TTC7A: variants seen among roughly 807,000 people sequenced by gnomAD.
The protein encoded by TTC7A is tetratricopeptide repeat domain 7A.
TTC7A carries 110 observed loss-of-function variants against 103.7 expected under a neutral mutation model. The observed-to-expected ratio is 1.06, with a 90% CI of 0.91 to 1.24. The LOEUF (loss-of-function observed/expected upper bound fraction) is 1.24, where lower values mean the gene tolerates loss of function less well. TTC7A is among the 50% of genes most tolerant of loss of function. The pLI is 0.00. For missense variants in TTC7A, 1,340 were observed against 1,116.3 expected (o/e 1.20, Z -2.86); for synonymous variants, 521 against 467.9 (o/e 1.11, Z -1.47).
At chr2:46,985,583 A>G (rs1674933803) in intron 5 of TTC7A, among the ~76,000 whole-genome samples, 1 of 152,238 alleles carries the variant, frequency 6.6e-6, no homozygotes, top group South Asian at 2.1e-4. Flanking sequence ...TGCAGGAACT[A>G]ATACAATCCC....
At chr2:46,919,474 G>A (rs1276395144) in intron 2 of TTC7A, among the ~76,000 whole-genome samples, 2 of 152,184 alleles carry the variant, frequency 1.3e-5, no homozygotes, top group African/African-American at 4.8e-5. Flanking sequence ...CAGAGGTTGA[G>A]GTGAGCTGAG....
intron 15 of TTC7A, among the ~76,000 whole-genome samples, chr2:47,037,680 G>T (rs995199006): frequency 7.2e-5 from 11 of 152,212 alleles, no homozygotes; most frequent in African/African-American, 2.2e-4. Context: ...GGGCACTGCT[G>T]TGGGCACCTT....
chr2:47,060,360 A>G (rs957853768), intron 18 of TTC7A, among the ~76,000 whole-genome samples: 1 of 151,318 alleles, frequency 6.6e-6, no homozygotes, highest in African/African-American at 2.4e-5. Context: ...ACAGAGGGAA[A>G]CTCTTTTTCT....
intron 15 of TTC7A, among the ~76,000 whole-genome samples, chr2:47,039,200 C>A (rs1489628069): frequency 6.6e-6 from 1 of 152,146 alleles, no homozygotes; most frequent in Admixed American, 6.5e-5. Flanking sequence ...TGCTGAAGGC[C>A]CTGTCTCAAC....
intron 8 of TTC7A, among the ~76,000 whole-genome samples, chr2:47,005,570 T>C (rs2104451033): frequency 6.6e-6 from 1 of 152,268 alleles, no homozygotes; most frequent in Non-Finnish European, 1.5e-5. Flanking sequence ...TCCTGGACAA[T>C]AATAGTTATA....
At chr2:47,005,418 C>T (rs1336223239) in intron 8 of TTC7A, among the ~76,000 whole-genome samples, 1 of 152,108 alleles carries the variant, frequency 6.6e-6, no homozygotes, top group African/African-American at 2.4e-5. Flanking sequence ...TGCAAACACA[C>T]CAGGGACTGT....
intron 3 of TTC7A, among the ~76,000 whole-genome samples, chr2:46,968,522 G>A (rs1318151516): frequency 6.6e-6 from 1 of 152,138 alleles, no homozygotes; most frequent in African/African-American, 2.4e-5. Context: ...TATCAACCAG[G>A]GGACAAATAC....
intron 5 of TTC7A, among the ~76,000 whole-genome samples, chr2:46,979,962 A>G (rs953235858): frequency 6.6e-6 from 1 of 152,218 alleles, no homozygotes; most frequent in African/African-American, 2.4e-5. Context: ...TTCCATGGCC[A>G]TGGGTCAGGC....
chr2:46,953,656 A>G (rs1393726029), intron 2 of TTC7A, among the ~76,000 whole-genome samples: 1 of 151,550 alleles, frequency 6.6e-6, no homozygotes, highest in Non-Finnish European at 1.5e-5. Context: ...TCTCTCTAAG[A>G]CCCCGTCCAG....
intron 14 of TTC7A, among the ~76,000 whole-genome samples, chr2:47,026,355 A>C (rs968089883): frequency 6.6e-6 from 1 of 152,188 alleles, no homozygotes; most frequent in Non-Finnish European, 1.5e-5. Context: ...CACTGATCTT[A>C]GTGTCCTCCT....
At chr2:47,024,404 G>T in intron 14 of TTC7A, 45 bp downstream of exon 14, 1 of 1,545,510 alleles carries the variant, frequency 6.5e-7, no homozygotes, top group Non-Finnish European at 8.8e-7. Flanking sequence ...GGGGGCTGCT[G>T]ATCTTCTCCT....
At chr2:46,946,574 C>A (rs78541527) in intron 1 of TTC7A, among the ~76,000 whole-genome samples, 2,230 of 152,212 alleles carry the variant, frequency 0.015, 55 homozygotes, top group African/African-American at 0.05. Context: ...TAGGCGTGTA[C>A]CTCTAACATC....
chr2:46,975,611 G>C (rs1435692642), intron 4 of TTC7A, among the ~76,000 whole-genome samples: 3 of 152,116 alleles, frequency 2.0e-5, no homozygotes, highest in Non-Finnish European at 4.4e-5. Flanking sequence ...ACTGTCTGCA[G>C]GGTATCAAGT....
intron 5 of TTC7A, among the ~76,000 whole-genome samples, chr2:46,981,369 G>C (rs570815470): frequency 5.9e-5 from 9 of 152,078 alleles, no homozygotes; most frequent in Admixed American, 6.5e-5. Context: ...CTCGATGTGG[G>C]GGTCGAGGAG....
At chr2:46,975,287 C>T (rs921724172) in intron 4 of TTC7A, among the ~76,000 whole-genome samples, 184 bp downstream of exon 4, 3 of 152,206 alleles carry the variant, frequency 2.0e-5, no homozygotes, top group African/African-American at 7.2e-5. Context: ...TAGAATGAGA[C>T]TCTTTACTGG....
chr2:46,958,167 CT>C (rs1483862578), intron 3 of TTC7A, among the ~76,000 whole-genome samples: 4 of 152,144 alleles, frequency 2.6e-5, no homozygotes, highest in Non-Finnish European at 2.9e-5. Flanking sequence ...TTGACTCTGG[CT>C]GGTGGGACTT....
At chr2:46,936,687 G>T (rs577567591), upstream of TTC7A, among the ~76,000 whole-genome samples, 11 of 152,206 alleles carry the variant, frequency 7.2e-5, no homozygotes, top group East Asian at 1.4e-3. Flanking sequence ...TTTATAGACA[G>T]CATCATCATT....
chr2:47,017,199 T>TC lies in TTC7A; in HGVS notation c.1393-4662dup, dbSNP rs1234050781. ...TGGGCAACAAGAGCGACACTCTGTC[T>TC]CAAAAAAAAAAAAAAAAAAAAAAAA... On this transcript the variant is annotated intron_variant, in intron 11 of 19. Coordinates refer to ENST00000319190, the MANE Select transcript of TTC7A (RefSeq NM_020458.4). Among the ~76,000 whole-genome samples the TC allele has an allele frequency of 1.4e-3, 48 of 34,676 alleles. 1 individual carries two copies. The highest frequency in any genetic ancestry group is 0.026 in the Middle Eastern group (1 of 38). 22.7% of individuals were successfully genotyped at this position (34,676 alleles called of 152,430 possible).
chr2:46,933,856 G>A (rs1669832624), intron 2 of TTC7A, among the ~76,000 whole-genome samples: 2 of 152,164 alleles, frequency 1.3e-5, no homozygotes, highest in African/African-American at 4.8e-5. Context: ...CAGAGCACTG[G>A]TCAGAAATCT....
Sources: gnomAD v4.1 joint callset for allele counts (sites outside exome capture counted in the v4.1 genomes callset) on GRCh38, gnomAD v4.1.1 for gene constraint, MANE v1.5 for transcripts, NCBI Gene and HGNC (gene_info 2026-07-23, HGNC 2026-07-21) for gene names.